The following KIAA0319L variants were observed in gnomAD, a reference collection of about 807,000 sequenced individuals.
KIAA0319L encodes KIAA0319 like, also known as dyslexia-associated protein KIAA0319-like protein.
In KIAA0319L, 55 loss-of-function variants were observed where a neutral mutation model predicts 120.1. The ratio of observed to expected loss-of-function variants is 0.46; its 90% CI spans 0.37 to 0.57. The LOEUF is 0.57. KIAA0319L is among the 20% of genes least tolerant of loss of function. The probability of loss-of-function intolerance (pLI) is 0.00; values close to 1 mark genes in which losing one functional copy is unlikely to be tolerated. For missense variants in KIAA0319L, 1,049 were observed against 1,255.3 expected, an observed-to-expected ratio of 0.84 and a Z score of 2.48; for synonymous variants, 398 against 471.9, an observed-to-expected ratio of 0.84 and a Z score of 2.03.
At chr1:35,441,325 G>A (rs1360314073) in intron 19 of KIAA0319L, among the ~76,000 whole-genome samples, 187 bp from the exon 20 acceptor site, 1 of 152,140 alleles carries the variant, frequency 6.6e-6, no homozygotes, top group Admixed American at 6.5e-5. Context: ...CAGCAATTCT[G>A]GAGAAGGGCA....
rs1317250829 is a variant in KIAA0319L at position 35,479,173 on chromosome 1, C to A, written c.706G>T (p.Asp236Tyr). Residue 236 changes from aspartate (D) to tyrosine (Y), a missense_variant, in exon 4 of 21, where the codon GAC (aspartate) becomes TAC (tyrosine). Physicochemically the swap from Asp to Tyr is radical, Grantham distance 160 (BLOSUM62 -3). Coordinates refer to ENST00000325722, the MANE Select transcript of KIAA0319L (RefSeq NM_024874.5). ...AITISSPLTT[D>Y]LTAELSGGPK... ...CCACCAGACAGCTCTGCAGTCAGGT[C>A]TGTGGTTAGGGGACTGGAAATTGTA... 6.2e-7 allele frequency: 1 copy of A among 1,613,476 alleles called. No homozygotes were observed. The highest frequency in any genetic ancestry group is 1.1e-5 in the South Asian group (1 of 91,058).
chr1:35,482,430 C>CT (rs777518171), intron 3 of KIAA0319L, among the ~76,000 whole-genome samples: 478 of 134,254 alleles, frequency 3.6e-3, no homozygotes, highest in African/African-American at 7.2e-3. Flanking sequence ...ATCTACAGGT[C>CT]TTTTTTTTTT....
rs372855570 is a variant in KIAA0319L, at chr1:35,479,099, A to G, written c.780T>C (p.Thr260=). Residue 260 remains threonine, a synonymous_variant, in exon 4 of 21, where the codon ACT becomes ACC. Transcript: ENST00000325722. ...TTTTTACTTGTTGAGTGCTGGGCGT[A>G]GTAGCAAGACCCTCTGATATTTCAG... ...VQPEISEGLA[T]TPSTQQVKSS... is the part of the protein sequence containing the mutation. 1.7e-5 allele frequency: 28 copies of G among 1,614,054 alleles called. No individual in the cohort carries two copies. The highest frequency in any genetic ancestry group is 2.3e-5 in the Non-Finnish European group (27 of 1,180,030).
In KIAA0319L at chr1:35,449,977, G is replaced by T; in HGVS notation, c.2243C>A (p.Pro748His). Residue 748 changes from proline (P) to histidine (H), a missense_variant, in exon 15 of 21, where the codon CCT becomes CAT. Pro to His is a moderately conservative substitution (Grantham distance 77). Coordinates refer to ENST00000325722, the MANE Select transcript of KIAA0319L (RefSeq NM_024874.5). ...AACCAGGTTTGAAAGAAAAAGGATAGGGTGATGGTCAGAGTGATTTAACAC... is the reference window on the plus strand; with the variant it reads ...AACCAGGTTTGAAAGAAAAAGGATATGGTGATGGTCAGAGTGATTTAACAC... Reference protein sequence around the residue: ...GEVLNHSDHHPILFLSNLVEG... With the variant: ...GEVLNHSDHHHILFLSNLVEG... 6.2e-7 allele frequency: 1 copy of T among 1,614,148 alleles called. No individual in the cohort carries two copies. The highest frequency in any genetic ancestry group is 8.5e-7 in the Non-Finnish European group (1 of 1,180,002).
chr1:35,493,245 CAACA>C (rs1170446858), intron 3 of KIAA0319L, among the ~76,000 whole-genome samples: 2 of 151,978 alleles, frequency 1.3e-5, no homozygotes, highest in East Asian at 1.9e-4. Flanking sequence ...TATATACCAG[CAACA>C]AACAATCAGA....
intron 7 of KIAA0319L, among the ~76,000 whole-genome samples, chr1:35,463,256 A>G (rs1419816475): frequency 6.6e-6 from 1 of 152,192 alleles, no homozygotes; most frequent in Non-Finnish European, 1.5e-5. Flanking sequence ...GGAGTATAAA[A>G]GCCTCTTCCA....
chr1:35,440,473 C>G (rs975394923), intron 20 of KIAA0319L: 4 of 153,458 alleles, frequency 2.6e-5, no homozygotes, highest in African/African-American at 9.7e-5. Flanking sequence ...GTGACCCAGC[C>G]CAGCGGAGGA....
At chr1:35,529,990 T>G (rs1646299993) in intron 2 of KIAA0319L, among the ~76,000 whole-genome samples, 1 of 152,082 alleles carries the variant, frequency 6.6e-6, no homozygotes, top group African/African-American at 2.4e-5. Flanking sequence ...TGCCTTTTTT[T>G]TTTTTTTTAA....
At chr1:35,462,304 C>T (rs1045174122) in intron 8 of KIAA0319L, among the ~76,000 whole-genome samples, 1 of 152,168 alleles carries the variant, frequency 6.6e-6, no homozygotes, top group Non-Finnish European at 1.5e-5. Flanking sequence ...ATGAAAAAGG[C>T]AACTCCAACT....
Position 35,451,793 on chromosome 1 carries a change from T to G in KIAA0319L, c.1914-17A>C. On this transcript the variant is annotated splice_polypyrimidine_tract_variant and intron_variant, in intron 12 of 20. Coordinates refer to ENST00000325722, the MANE Select transcript of KIAA0319L (RefSeq NM_024874.5). ...TCAGGTCCCCTGCAAAAAAAGAAAC[T>G]AGAGGGTAGAGTTGTACCTGTCTGC... 6.2e-7 allele frequency: 1 copy of G among 1,613,522 alleles called. No homozygotes were observed. Among genetic ancestry groups the G allele is most frequent in the Non-Finnish European group, 8.5e-7 (1 of 1,179,716 alleles).
chr1:35,439,768 C>T (rs747821715), intron 20 of KIAA0319L: 1 of 152,092 alleles, frequency 6.6e-6, no homozygotes, highest in Non-Finnish European at 1.5e-5. Context: ...TGCACTCCAG[C>T]CTGGGTGACA....
rs1170209329 is a variant in KIAA0319L at position 35,453,376 on chromosome 1, C to A, written c.1913+181G>T. 6.6e-6 allele frequency among the ~76,000 whole-genome samples: 1 copy of A among 152,094 alleles called. No homozygotes were observed. Among genetic ancestry groups the A allele is most frequent in the Non-Finnish European group, 1.5e-5 (1 of 68,018 alleles). On this transcript the variant is annotated intron_variant, in intron 12 of 20. Coordinates refer to ENST00000325722, the MANE Select transcript of KIAA0319L (RefSeq NM_024874.5). This position sits in a 1 kb window ranked among gnomAD's most constrained non-coding sequence, Gnocchi z 4.1. The stretch of plus-strand genomic sequence containing the variant: ...GATGGCAAGCATTCTTTTTTTCTTA[C>A]AAAAATTATGATTATAATATCATTT...
intron 3 of KIAA0319L, among the ~76,000 whole-genome samples, chr1:35,493,927 A>T (rs1644697640): frequency 6.6e-6 from 1 of 152,130 alleles, no homozygotes; most frequent in African/African-American, 2.4e-5. Context: ...AGATTATTTA[A>T]TTAAATGGAG....
chr1:35,442,192 G>T, intron 19 of KIAA0319L, 54 bp downstream of exon 19: 2 of 1,354,924 alleles, frequency 1.5e-6, no homozygotes, highest in South Asian at 1.2e-5. Flanking sequence ...CCTCTCTGAG[G>T]AACGAATGTA....
chr1:35,507,538 A>T (rs1645252707), intron 2 of KIAA0319L, among the ~76,000 whole-genome samples: 1 of 152,214 alleles, frequency 6.6e-6, no homozygotes, highest in Non-Finnish European at 1.5e-5. Context: ...ACTCACCTCC[A>T]AGGTATTTCT....
At chr1:35,459,127 G>A (rs549834504) in intron 9 of KIAA0319L, among the ~76,000 whole-genome samples, 169 of 152,134 alleles carry the variant, frequency 1.1e-3, no homozygotes, top group Non-Finnish European at 1.6e-3. Context: ...AGTGCAATAG[G>A]GAAAGAGGAG....
At chr1:35,488,723 T>A (rs1644478683) in intron 3 of KIAA0319L, among the ~76,000 whole-genome samples, 1 of 152,194 alleles carries the variant, frequency 6.6e-6, no homozygotes, top group Non-Finnish European at 1.5e-5. Context: ...ACCAGGAATG[T>A]GTGGTCCCCA....
At position 35,434,148 on chromosome 1, in the gene KIAA0319L, G is replaced by A. The variant is rs1172803944; in HGVS notation, c.*746C>T. The A allele has an allele frequency of 6.8e-6, 1 of 147,880 alleles. No homozygotes were observed. Among genetic ancestry groups the A allele is most frequent in the Admixed American group, 6.9e-5 (1 of 14,540 alleles). The allele number at this position is 147,880 out of a possible 1,614,324, so 9.2% of individuals were successfully genotyped here. A position where few individuals can be genotyped will look rare whatever the true frequency, so the allele number is the denominator to read the frequency against. ...CACTCAGGCTGGAGTGCAGTGGCAC[G>A]ATCTTGGCTCACTGCAGCCTCCACC... On this transcript the variant is annotated 3_prime_UTR_variant, in exon 21 of 21. Transcript: ENST00000325722.
chr1:35,526,706 G>A (rs916904109), intron 2 of KIAA0319L, among the ~76,000 whole-genome samples: 2 of 152,100 alleles, frequency 1.3e-5, no homozygotes, highest in Non-Finnish European at 2.9e-5. Flanking sequence ...GTCAGGAAGT[G>A]TGATGCCTCC....
Sources: gnomAD v4.1 joint callset for allele counts (sites outside exome capture counted in the v4.1 genomes callset) on GRCh38, gnomAD v4.1.1 for gene constraint, Gnocchi (gnomAD v3.1) non-coding constraint, MANE v1.5 for transcripts, NCBI Gene and HGNC (gene_info 2026-07-23, HGNC 2026-07-21) for gene names.